CCDC63: variants seen among roughly 807,000 people sequenced by gnomAD.
CCDC63 encodes coiled-coil domain containing 63.
In CCDC63, 54 loss-of-function variants were observed where a neutral mutation model predicts 63.6. The observed-to-expected ratio is 0.85, with a 90% confidence interval of 0.68 to 1.07. The LOEUF (loss-of-function observed/expected upper bound fraction) is 1.07. Ranked by LOEUF, CCDC63 falls within the 50% of genes least tolerant of loss-of-function variation. The probability of loss-of-function intolerance (pLI) is 0.00; values close to 1 mark genes in which losing one functional copy is unlikely to be tolerated. For missense variants in CCDC63, 637 were observed against 689.6 expected, an observed-to-expected ratio of 0.92 and a Z score of 0.86; for synonymous variants, 253 against 266.1, an observed-to-expected ratio of 0.95 and a Z score of 0.48.
At chr12:110,879,639 T>G (rs2071172329) in intron 5 of CCDC63, among the ~76,000 whole-genome samples, 1 of 152,222 alleles carries the variant, frequency 6.6e-6, no homozygotes, top group Non-Finnish European at 1.5e-5. Context: ...CCTCTGTTAA[T>G]TGCCTACAGC....
In CCDC63 at chr12:110,889,982, A is replaced by G. The variant is rs374012385; in HGVS notation, c.1075-3094A>G. Among the ~76,000 whole-genome samples, 1 of 152,166 alleles carries G rather than the reference A, an allele frequency of 6.6e-6. No homozygotes were observed. Among genetic ancestry groups the G allele is most frequent in the South Asian group, 2.1e-4 (1 of 4,832 alleles). ...TCAGGAATAATTCCATCACACGGACATAGCATTGTTTCATCTTTTTGGTAG... is the reference window on the plus strand; with the variant it reads ...TCAGGAATAATTCCATCACACGGACGTAGCATTGTTTCATCTTTTTGGTAG... On this transcript the variant is annotated intron_variant, in intron 8 of 11. Coordinates refer to ENST00000308208, the MANE Select transcript of CCDC63 (RefSeq NM_152591.3). The surrounding 1 kb of genome is among the most constrained non-coding windows in gnomAD (Gnocchi z 4.1).
At chr12:110,880,732 ATGGGGTGG>A (rs2071191133) in intron 6 of CCDC63, among the ~76,000 whole-genome samples, 2 of 240 alleles carry the variant, frequency 8.3e-3, no homozygotes, top group Admixed American at 0.071. Flanking sequence ...GGTTATAGTG[ATGGGGTGG>A]TGATGGTGAT....
intron 5 of CCDC63, 35 bp downstream of exon 5, chr12:110,873,996 C>T: frequency 6.3e-7 from 1 of 1,590,768 alleles, no homozygotes; most frequent in South Asian, 1.1e-5. Context: ...CTGCAAACAG[C>T]TCTGCCCACG....
chr12:110,889,132 T>C lies in CCDC63; in HGVS notation c.1075-3944T>C, dbSNP rs2071325696. 6.6e-6 allele frequency among the ~76,000 whole-genome samples: 1 copy of C among 152,144 alleles called. No homozygotes were observed. The highest frequency in any genetic ancestry group is 2.4e-5 in the African/African-American group (1 of 41,438). Reference sequence around the variant, plus strand: ...CAAATGTAACATAGTTATTATCATATAAAGTTGTGTATCTGATTGAAGCAA... The same window carrying C: ...CAAATGTAACATAGTTATTATCATACAAAGTTGTGTATCTGATTGAAGCAA... On this transcript the variant is annotated intron_variant, in intron 8 of 11. Transcript: ENST00000308208. The surrounding 1 kb of genome is among the most constrained non-coding windows in gnomAD (Gnocchi z 4.1).
chr12:110,871,815 T>C (rs2071072667), intron 4 of CCDC63, among the ~76,000 whole-genome samples: 1 of 152,162 alleles, frequency 6.6e-6, no homozygotes, highest in Non-Finnish European at 1.5e-5. Flanking sequence ...CTCATCCTGA[T>C]CTCCAGCATC....
chr12:110,865,464 C>CAAAAAAAAAAAAAAAAAAAAAA (rs10585238), intron 4 of CCDC63, among the ~76,000 whole-genome samples: 51 of 102,174 alleles, frequency 5.0e-4, no homozygotes, highest in East Asian at 1.3e-3. Flanking sequence ...CAGCATATAC[C>CAAAAAAAAAAAAAAAAAAAAAA]AAAAAAAAAA....
chr12:110,872,316 A>G (rs1593663542), intron 4 of CCDC63, among the ~76,000 whole-genome samples: 1 of 152,182 alleles, frequency 6.6e-6, no homozygotes, highest in Non-Finnish European at 1.5e-5. Flanking sequence ...GCCAGATTTG[A>G]CCAAGGGCTG....
rs1401009793 is a variant in CCDC63, at chr12:110,904,733, C to T, written c.1488C>T (p.Pro496=). 1.2e-6 allele frequency: 2 copies of T among 1,614,042 alleles called. No individual in the cohort carries two copies. The highest frequency in any genetic ancestry group is 1.1e-5 in the South Asian group (1 of 91,076). ...CTGCCCTCCTCAAGCCCCCAGAACC[C>T]ATCAAAGTCATCCCCCCAGTGCTGG... The part of the protein sequence containing the change: ...GGSALLKPPE[P]IKVIPPVLGA... The change falls in exon 11 of 12, where the codon CCC becomes CCT. Residue 496 remains proline (P), a synonymous_variant. Transcript: ENST00000308208.
chr12:110,869,092 G>T (rs1029012912), intron 4 of CCDC63, among the ~76,000 whole-genome samples: 1 of 152,146 alleles, frequency 6.6e-6, no homozygotes, highest in African/African-American at 2.4e-5. Flanking sequence ...AAAACTCAGG[G>T]ATGCTAACAC....
intron 4 of CCDC63, among the ~76,000 whole-genome samples, chr12:110,867,948 G>A (rs1220634452): frequency 4.7e-5 from 7 of 147,458 alleles, no homozygotes; most frequent in Non-Finnish European, 7.5e-5. Context: ...GGCAGCTGCC[G>A]GGCGGAGGGG....
rs1215242602 is a variant in CCDC63 at position 110,852,904 on chromosome 12, G to T, written c.-51G>T. ...AGAGAGAGGAAGGCTCACTGGCTTT[G>T]AGCTCTCTGGGTACAGTGTCTGAGT... On this transcript the variant is annotated 5_prime_UTR_variant, in exon 2 of 12. Coordinates refer to ENST00000308208, the MANE Select transcript of CCDC63 (RefSeq NM_152591.3). The T allele has an allele frequency of 3.7e-6, 6 of 1,613,972 alleles. No homozygotes were observed. The East Asian group carries it at 1.3e-4, about 36-fold the overall frequency.
At chr12:110,905,864 GTA>G (rs2071553731) in intron 11 of CCDC63, among the ~76,000 whole-genome samples, 1 of 63,974 alleles carries the variant, frequency 1.6e-5, no homozygotes, top group African/African-American at 5.7e-5. Context: ...GTGTGTATGT[GTA>G]TATATGTGTG....
chr12:110,860,039 A>G (rs2070832539), intron 4 of CCDC63, among the ~76,000 whole-genome samples: 1 of 152,082 alleles, frequency 6.6e-6, no homozygotes, highest in African/African-American at 2.4e-5. Flanking sequence ...AACCCAGAGC[A>G]CCCCCAGCAG....
intron 1 of CCDC63, among the ~76,000 whole-genome samples, chr12:110,851,091 T>C (rs2070699571): frequency 1.3e-5 from 2 of 152,310 alleles, no homozygotes; most frequent in South Asian, 2.1e-4. Context: ...TAGCATACAG[T>C]GGGGGCTCAG....
chr12:110,874,206 T>G (rs2071102913), intron 5 of CCDC63, among the ~76,000 whole-genome samples: 1 of 151,938 alleles, frequency 6.6e-6, no homozygotes, highest in Non-Finnish European at 1.5e-5. Context: ...CTCTTAGTTC[T>G]CTGCCTCCAA....
chr12:110,884,655 T>G (rs938638119), intron 8 of CCDC63, among the ~76,000 whole-genome samples: 2 of 152,028 alleles, frequency 1.3e-5, no homozygotes, highest in East Asian at 3.9e-4. Flanking sequence ...AGATTACAAG[T>G]GTGAAACGTT....
At chr12:110,899,222 G>T in intron 10 of CCDC63, 97 bp downstream of exon 10, 1 of 1,122,432 alleles carries the variant, frequency 8.9e-7, no homozygotes. Flanking sequence ...AGTGAGCTTT[G>T]TGGCAAAGTG....
chr12:110,859,144 A>T (rs1475443165), intron 4 of CCDC63, among the ~76,000 whole-genome samples: 2 of 152,136 alleles, frequency 1.3e-5, no homozygotes, highest in Non-Finnish European at 1.5e-5. Flanking sequence ...TGTTGATGAC[A>T]CGTAACTGTT....
intron 11 of CCDC63, among the ~76,000 whole-genome samples, chr12:110,905,333 C>T (rs1227345772): frequency 6.6e-6 from 1 of 152,138 alleles, no homozygotes; most frequent in Non-Finnish European, 1.5e-5. Context: ...CTTCCAACAC[C>T]AGCCCATTGA....
Sources: allele counts gnomAD v4.1 joint callset (sites outside exome capture counted in the v4.1 genomes callset), GRCh38; gene constraint gnomAD v4.1.1; non-coding constraint Gnocchi (gnomAD v3.1); transcripts MANE v1.5; gene names NCBI Gene and HGNC (gene_info 2026-07-23, HGNC 2026-07-21).